SLC12A3: variants seen among roughly 807,000 people sequenced by gnomAD.
The protein encoded by SLC12A3 is solute carrier family 12 member 3.
SLC12A3 carries 104 observed loss-of-function variants against 121.0 expected under a neutral mutation model. That is an observed-to-expected ratio of 0.86 (90% CI 0.73 to 1.01). SLC12A3 has a LOEUF of 1.01. Ranked by LOEUF, SLC12A3 falls within the 50% of genes least tolerant of loss-of-function variation. SLC12A3 has a pLI of 0.00. For synonymous variants in SLC12A3, 536 were observed against 533.4 expected (o/e 1.00, Z -0.07); for missense variants, 1,328 against 1,356.3 (o/e 0.98, Z 0.33).
At chr16:56,877,808 C>T (rs2144707435) in intron 8 of SLC12A3, among the ~76,000 whole-genome samples, 1 of 152,348 alleles carries the variant, frequency 6.6e-6, no homozygotes, top group Middle Eastern at 3.4e-3. Flanking sequence ...CTTCTCTCTG[C>T]CTCCATTTCC....
chr16:56,881,644 G>T (rs2055241763), intron 12 of SLC12A3, among the ~76,000 whole-genome samples: 1 of 152,084 alleles, frequency 6.6e-6, no homozygotes, highest in Non-Finnish European at 1.5e-5. Context: ...CAGTAGCAGG[G>T]GAGGGGAACA....
In SLC12A3 at chr16:56,890,259, C is replaced by T; in HGVS notation, c.2286-15C>T. 6.2e-7 allele frequency: 1 copy of T among 1,611,538 alleles called. No homozygotes were observed. Among genetic ancestry groups the T allele is most frequent in the Non-Finnish European group, 8.5e-7 (1 of 1,177,682 alleles). ...AGCTGGGGGAGAAGCTGGACCTCACCTCCTCTCTTTCCAGTGATGCCTTTG... is the reference window on the plus strand; with the variant it reads ...AGCTGGGGGAGAAGCTGGACCTCACTTCCTCTCTTTCCAGTGATGCCTTTG... On this transcript the variant is annotated splice_polypyrimidine_tract_variant and intron_variant, in intron 18 of 25. Coordinates refer to ENST00000563236, the MANE Select transcript of SLC12A3 (RefSeq NM_001126108.2).
chr16:56,899,141 G>A (rs1424740361), intron 22 of SLC12A3, among the ~76,000 whole-genome samples: 4 of 152,182 alleles, frequency 2.6e-5, no homozygotes, highest in Admixed American at 6.5e-5. Flanking sequence ...TTCTACAAGC[G>A]CAGGCTTTGA....
intron 18 of SLC12A3, among the ~76,000 whole-genome samples, chr16:56,889,755 G>C (rs374647866): frequency 1.3e-5 from 2 of 152,302 alleles, no homozygotes; most frequent in East Asian, 3.9e-4. Flanking sequence ...GATTACAGGC[G>C]TAAACCACTG....
chr16:56,897,405 C>A (rs2055479716), intron 22 of SLC12A3, among the ~76,000 whole-genome samples: 1 of 152,150 alleles, frequency 6.6e-6, no homozygotes, highest in Admixed American at 6.5e-5. Flanking sequence ...GGAGGGGATC[C>A]CCCAGCCTAC....
chr16:56,867,522 C>A (rs1312355641), intron 2 of SLC12A3, among the ~76,000 whole-genome samples: 1 of 152,212 alleles, frequency 6.6e-6, no homozygotes, highest in African/African-American at 2.4e-5. Context: ...GATTAAGTTT[C>A]CAGACAGTAG....
intron 22 of SLC12A3, among the ~76,000 whole-genome samples, chr16:56,898,281 T>A (rs955824706): frequency 1.3e-5 from 2 of 152,004 alleles, no homozygotes; most frequent in South Asian, 4.1e-4. Context: ...TTTGTTTTGT[T>A]TTTTTGAGAT....
Position 56,878,058 on chromosome 16 carries a change from C to T in SLC12A3, c.1096-19C>T. On this transcript the variant is annotated intron_variant, in intron 8 of 25. Coordinates refer to ENST00000563236, the MANE Select transcript of SLC12A3 (RefSeq NM_001126108.2). The stretch of plus-strand genomic sequence containing the variant: ...TCTCTCCCTCCCTCCCTCCCTCCCT[C>T]TCTCCCTCCCTCCTTCAGGACCCTG... 1 of 880,762 alleles carries T rather than the reference C, an allele frequency of 1.1e-6. No individual in the cohort carries two copies. Among genetic ancestry groups the T allele is most frequent in the Non-Finnish European group, 1.7e-6 (1 of 576,028 alleles). 54.6% of individuals were successfully genotyped at this position (880,762 alleles called of 1,614,324 possible).
Position 56,870,243 on chromosome 16 carries a change from CG to C in SLC12A3, c.741+14del, listed in dbSNP as rs760627498. On this transcript the variant is annotated intron_variant, in intron 5 of 25. Coordinates refer to ENST00000563236, the MANE Select transcript of SLC12A3 (RefSeq NM_001126108.2). ...GTGCGGGACCTGCTCCAGGTGAGGCCGGGGGGCTGGACCCTGGGTAGAGGGA... is the reference window on the plus strand; with the variant it reads ...GTGCGGGACCTGCTCCAGGTGAGGCCGGGGGCTGGACCCTGGGTAGAGGGA... 1.9e-6 allele frequency: 3 copies of C among 1,611,970 alleles called. No individual in the cohort carries two copies. The highest frequency in any genetic ancestry group is 1.7e-6 in the Non-Finnish European group (2 of 1,179,832).
In SLC12A3 at chr16:56,892,922, C is replaced by G. The variant is rs745919663; in HGVS notation, c.2420-31C>G. ...GCCTGCCTGGATGCGCGGCTGCTGGCTCTGCTCTGACCCGCCCCCACCTCC... is the reference window on the plus strand; with the variant it reads ...GCCTGCCTGGATGCGCGGCTGCTGGGTCTGCTCTGACCCGCCCCCACCTCC... On this transcript the variant is annotated intron_variant, in intron 20 of 25. Transcript: ENST00000563236. 1.9e-6 allele frequency: 3 copies of G among 1,589,168 alleles called. No individual in the cohort carries two copies. The Admixed American group carries it at 5.0e-5, about 27-fold the overall frequency.
Position 56,904,410 on chromosome 16 carries a change from AG to A in SLC12A3, c.2874del (p.Arg958SerfsTer2). 1.9e-6 allele frequency: 3 copies of A among 1,613,958 alleles called. No homozygotes were observed. Among genetic ancestry groups the A allele is most frequent in the Non-Finnish European group, 2.5e-6 (3 of 1,179,824 alleles). On this transcript the variant is annotated frameshift_variant, in exon 25 of 26. Coordinates refer to ENST00000563236, the MANE Select transcript of SLC12A3 (RefSeq NM_001126108.2). LOFTEE classifies it high-confidence loss of function. The part of the protein sequence containing the change: ...KNRVKSLRQV[R>X]LNEIVLDYSR... ...TCCCGCCCAGTCCCTTCGGCAGGTGAGGCTGAATGAGATTGTGCTGGATTAC... is the reference window on the plus strand; with the variant it reads ...TCCCGCCCAGTCCCTTCGGCAGGTGAGCTGAATGAGATTGTGCTGGATTAC...
In SLC12A3 at chr16:56,911,305, CCTTT is replaced by C. The variant is rs1205149143; in HGVS notation, c.2925-1958_2925-1955del. Among the ~76,000 whole-genome samples, 17 of 123,140 alleles carry C rather than the reference CCTTT, an allele frequency of 1.4e-4. No homozygotes were observed. In the South Asian group the frequency reaches 5.1e-3, roughly 37 times the overall value. The allele number at this position is 123,140 out of a possible 152,430, so 80.8% of individuals were successfully genotyped here. ...AACCCACCTTCCCTAATTTTTGAGA[CCTTT>C]TGTTTGTTTGTTTGTTTGTTTGTTT... On this transcript the variant is annotated intron_variant, in intron 25 of 25. Transcript: ENST00000563236.
chr16:56,899,118 C>T (rs552069095), intron 22 of SLC12A3, among the ~76,000 whole-genome samples: 25 of 152,306 alleles, frequency 1.6e-4, no homozygotes, highest in African/African-American at 5.5e-4. Flanking sequence ...TCCTGTCTGC[C>T]GCTACCCCCA....
chr16:56,891,860 G>A (rs924190192), intron 19 of SLC12A3, among the ~76,000 whole-genome samples: 2 of 152,196 alleles, frequency 1.3e-5, no homozygotes, highest in East Asian at 1.9e-4. Context: ...GGGGATGAAC[G>A]TGGCCTGTTT....
intron 2 of SLC12A3, 120 bp downstream of exon 2, chr16:56,867,336 T>C (rs1964381187): frequency 1.0e-6 from 1 of 973,810 alleles, no homozygotes; most frequent in South Asian, 1.6e-5. Flanking sequence ...ATCTGTACAA[T>C]GAATTCAATG....
chr16:56,865,354 G>A lies in SLC12A3; in HGVS notation c.119G>A (p.Ser40Asn). The change falls in exon 1 of 26, where the codon AGC becomes AAC. Residue 40 changes from serine to asparagine, a missense_variant. Physicochemically the swap from Ser to Asn is conservative, Grantham distance 46. Coordinates refer to ENST00000563236, the MANE Select transcript of SLC12A3 (RefSeq NM_001126108.2). ...EPSPPAAYDS[S>N]HPSHLTHSST... ...TCTCCACCAGCTGCCTATGACAGCA[G>A]CCACCCCAGCCACCTGACCCACAGC... 6.2e-7 allele frequency: 1 copy of A among 1,614,164 alleles called. No homozygotes were observed. Among genetic ancestry groups the A allele is most frequent in the Non-Finnish European group, 8.5e-7 (1 of 1,180,048 alleles).
chr16:56,873,374 C>CTTTTTTTTTTTTTTTTTTTTTTTTTTT (rs59478629), intron 8 of SLC12A3, among the ~76,000 whole-genome samples: 1 of 75,372 alleles, frequency 1.3e-5, no homozygotes, highest in Non-Finnish European at 2.4e-5. Flanking sequence ...CTCTTTCTTT[C>CTTTTTTTTTTTTTTTTTTTTTTTTTTT]TTTTTTTTTT....
At position 56,880,068 on chromosome 16, in the gene SLC12A3, C is replaced by T; in HGVS notation, c.1444-62C>T. 3.1e-6 allele frequency: 5 copies of T among 1,588,564 alleles called. No homozygotes were observed. In the South Asian group the frequency reaches 5.8e-5, roughly 18 times the overall value. ...CGAGCCGGGGCTGGAGCTCAGGTGG[C>T]CCCAGGGGAGGGGAAGTGGCAGGTC... On this transcript the variant is annotated intron_variant, in intron 11 of 25. Transcript: ENST00000563236.
intron 8 of SLC12A3, among the ~76,000 whole-genome samples, chr16:56,873,359 T>C (rs1326685209): frequency 1.3e-5 from 2 of 150,756 alleles, no homozygotes; most frequent in African/African-American, 4.9e-5. Flanking sequence ...AAGTCTGTTC[T>C]GTTTCTCTTT....
Sources: allele counts gnomAD v4.1 joint callset (sites outside exome capture counted in the v4.1 genomes callset), GRCh38; gene constraint gnomAD v4.1.1; transcripts MANE v1.5; gene names NCBI Gene and HGNC (gene_info 2026-07-23, HGNC 2026-07-21).